The following TAFA2 variants were observed in gnomAD, a reference collection of about 807,000 sequenced individuals.
TAFA2 encodes chemokine-like protein TAFA-2.
A neutral mutation model predicts 18.8 loss-of-function variants in TAFA2; 7 were observed. The observed-to-expected ratio is 0.37, with a 90% confidence interval of 0.21 to 0.70. TAFA2 has a LOEUF of 0.70. Among genes scored for constraint, TAFA2 ranks in the 30% least tolerant of loss-of-function variants. The pLI is 0.53. For missense variants in TAFA2, 122 were observed against 158.1 expected, an observed-to-expected ratio of 0.77 and a Z score of 1.23; for synonymous variants, 60 against 54.2, an observed-to-expected ratio of 1.11 and a Z score of -0.47.
rs68158949 is a variant in TAFA2 at position 61,836,756 on chromosome 12, T to TATATATATATACAC, written c.106+30563_106+30564insGTGTATATATATAT. ...TGATATATATATATATATATATATATACACACACACACACAAATACATATA... is the reference window on the plus strand; with the variant it reads ...TGATATATATATATATATATATATATATATATATATACACACACACACACACACAAATACATATA... On this transcript the variant is annotated intron_variant, in intron 2 of 4. Coordinates refer to ENST00000416284, the MANE Select transcript of TAFA2 (RefSeq NM_178539.5). Among the ~76,000 whole-genome samples the TATATATATATACAC allele has an allele frequency of 1.1e-3, 131 of 119,812 alleles. 2 individuals carry two copies. The highest frequency in any genetic ancestry group is 3.4e-3 in the African/African-American group (124 of 36,022). The allele number at this position is 119,812 out of a possible 152,430, so 78.6% of individuals were successfully genotyped here. A position where few individuals can be genotyped will look rare whatever the true frequency, so the allele number is the denominator to read the frequency against.
At chr12:62,021,271 C>A (rs1330455448) in intron 1 of TAFA2, among the ~76,000 whole-genome samples, 1 of 151,996 alleles carries the variant, frequency 6.6e-6, no homozygotes, top group East Asian at 1.9e-4. Context: ...TAAGGAAAGG[C>A]TTCTTTTTTT....
At chr12:62,042,673 G>A (rs540364427) in intron 1 of TAFA2, among the ~76,000 whole-genome samples, 1 of 152,170 alleles carries the variant, frequency 6.6e-6, no homozygotes, top group Non-Finnish European at 1.5e-5. Flanking sequence ...ATAACTCCAT[G>A]ATGAGCCTAT....
At position 62,238,350 on chromosome 12, in the gene TAFA2, G is replaced by A. The variant is rs775927143; in HGVS notation, c.-130+20413C>T. On this transcript the variant is annotated intron_variant, in intron 1 of 5. Transcript: ENST00000551619. ...ACCAGATATTTGTTTTCAATTTTCCGTGGGGAAGAGTGAAGCCAGATTGCT... is the reference window on the plus strand; with the variant it reads ...ACCAGATATTTGTTTTCAATTTTCCATGGGGAAGAGTGAAGCCAGATTGCT... Among the ~76,000 whole-genome samples, 9 of 152,144 alleles carry A rather than the reference G, an allele frequency of 5.9e-5. No individual in the cohort carries two copies. The South Asian group carries it at 8.3e-4, about 14-fold the overall frequency.
chr12:61,999,470 T>A (rs1393837924), intron 1 of TAFA2, among the ~76,000 whole-genome samples: 1 of 152,178 alleles, frequency 6.6e-6, no homozygotes, highest in African/African-American at 2.4e-5. Context: ...AGAAAATATG[T>A]GGATACGGCT....
intron 1 of TAFA2, among the ~76,000 whole-genome samples, chr12:62,020,690 C>G (rs1881099716): frequency 6.6e-6 from 1 of 152,128 alleles, no homozygotes; most frequent in South Asian, 2.1e-4. Flanking sequence ...TTTAAGTTTT[C>G]TCTTTGTGTT....
At chr12:61,917,999 A>G (rs1876895704) in intron 1 of TAFA2, among the ~76,000 whole-genome samples, 1 of 152,116 alleles carries the variant, frequency 6.6e-6, no homozygotes, top group Non-Finnish European at 1.5e-5. Context: ...TGGGTATAAG[A>G]ACCATGCTTA....
chr12:62,088,108 G>A (rs1290603481), intron 1 of TAFA2, among the ~76,000 whole-genome samples: 1 of 151,902 alleles, frequency 6.6e-6, no homozygotes, highest in Non-Finnish European at 1.5e-5. Context: ...TAAGAATCAA[G>A]GGTAACTCCT....
At chr12:62,021,445 C>G (rs1881132724) in intron 1 of TAFA2, 1 of 485,036 alleles carries the variant, frequency 2.1e-6, no homozygotes, top group South Asian at 1.9e-5. Flanking sequence ...CACCCTTTCC[C>G]CCAAGACCCC....
chr12:62,243,192 A>G (rs957008362), intron 1 of TAFA2, among the ~76,000 whole-genome samples: 1 of 152,196 alleles, frequency 6.6e-6, no homozygotes, highest in African/African-American at 2.4e-5. Context: ...CCAGTTTCTC[A>G]TTACATATTT....
At chr12:61,865,109 C>T (rs1565661145) in intron 2 of TAFA2, among the ~76,000 whole-genome samples, 1 of 152,122 alleles carries the variant, frequency 6.6e-6, no homozygotes. Flanking sequence ...TTCCCCTCCC[C>T]CTCCTGAAAG....
chr12:62,251,044 AAGTC>A (rs1289904281), intron 1 of TAFA2, among the ~76,000 whole-genome samples: 1 of 147,190 alleles, frequency 6.8e-6, no homozygotes, highest in Admixed American at 6.8e-5. Context: ...GGTGTTTTGA[AAGTC>A]AGAAAAATTG....
At chr12:61,965,634 A>C (rs1047522832) in intron 1 of TAFA2, among the ~76,000 whole-genome samples, 1 of 151,922 alleles carries the variant, frequency 6.6e-6, no homozygotes, top group Admixed American at 6.6e-5. Flanking sequence ...AGACTCTGGG[A>C]GGGGACTGAA....
At chr12:61,858,241 A>T (rs925964927) in intron 2 of TAFA2, among the ~76,000 whole-genome samples, 1 of 152,136 alleles carries the variant, frequency 6.6e-6, no homozygotes, top group East Asian at 1.9e-4. Flanking sequence ...TGGTGATACT[A>T]TCATGCTTCC....
intron 1 of TAFA2, among the ~76,000 whole-genome samples, chr12:61,934,601 G>C (rs1405747081): frequency 6.6e-6 from 1 of 152,134 alleles, no homozygotes; most frequent in Admixed American, 6.5e-5. Flanking sequence ...TGTTTGCCTG[G>C]GAAAACCCTG....
Position 62,206,304 on chromosome 12 carries a change from A to C in TAFA2, c.-130+52459T>G, listed in dbSNP as rs58518866. Reference sequence around the variant, plus strand: ...TACAAGAAGTTTGTCTAGAATATCAAGTGTCTGGACACACTCCCATGATCA... The same window carrying C: ...TACAAGAAGTTTGTCTAGAATATCACGTGTCTGGACACACTCCCATGATCA... On this transcript the variant is annotated intron_variant, in intron 1 of 5. Transcript: ENST00000551619. Among the ~76,000 whole-genome samples, 701 of 152,342 alleles carry C rather than the reference A, an allele frequency of 4.6e-3. 7 individuals are homozygous for C. The highest frequency in any genetic ancestry group is 0.016 in the African/African-American group (651 of 41,580).
At chr12:62,172,630 A>G (rs148497189) in intron 1 of TAFA2, among the ~76,000 whole-genome samples, 1,552 of 152,320 alleles carry the variant, frequency 0.01, 18 homozygotes, top group East Asian at 0.021. Flanking sequence ...GTAGCCAACT[A>G]TGTCAAAAGT....
intron 1 of TAFA2, among the ~76,000 whole-genome samples, chr12:62,015,089 T>C (rs569867809): frequency 1.4e-3 from 209 of 152,380 alleles, no homozygotes; most frequent in Non-Finnish European, 1.8e-3. Flanking sequence ...TTCACAAATA[T>C]GAAAAGTTAC....
chr12:61,961,225 G>A (rs554228461), intron 1 of TAFA2, among the ~76,000 whole-genome samples: 1 of 151,878 alleles, frequency 6.6e-6, no homozygotes, highest in East Asian at 2.0e-4. Flanking sequence ...GAACACAAGG[G>A]GGGAAATCCA....
At chr12:62,197,172 C>T (rs1371378348), upstream of TAFA2, among the ~76,000 whole-genome samples, 3 of 152,196 alleles carry the variant, frequency 2.0e-5, no homozygotes, top group Non-Finnish European at 2.9e-5. Flanking sequence ...AATTATCCCC[C>T]ACCAACTGTC....
Sources: allele counts gnomAD v4.1 joint callset (sites outside exome capture counted in the v4.1 genomes callset), GRCh38; gene constraint gnomAD v4.1.1; transcripts MANE v1.5; gene names NCBI Gene and HGNC (gene_info 2026-07-23, HGNC 2026-07-21).